Variants in ZNF507 observed in about 807,000 individuals in gnomAD.
The protein encoded by ZNF507 is zinc finger protein 507.
ZNF507 carries 29 observed loss-of-function variants against 80.0 expected under a neutral mutation model. That is an observed-to-expected ratio of 0.36 (90% CI 0.27 to 0.49). The LOEUF (loss-of-function observed/expected upper bound fraction) is 0.49, where lower values mean the gene tolerates loss of function less well. Ranked by LOEUF, ZNF507 falls within the 20% of genes least tolerant of loss-of-function variation. ZNF507 has a pLI of 0.98. For missense variants in ZNF507, 1,081 were observed against 1,152.2 expected (o/e 0.94, Z 0.90); for synonymous variants, 462 against 422.5 (o/e 1.09, Z -1.15).
chr19:32,353,987 G>T lies in ZNF507; in HGVS notation c.1157G>T (p.Ser386Ile), dbSNP rs1288857021. The change falls in exon 3 of 7, where the codon AGC (serine) becomes ATC (isoleucine). Residue 386 changes from serine (S) to isoleucine (I), a missense_variant. Ser to Ile is a moderately radical substitution (Grantham distance 142). Coordinates refer to ENST00000355898, the MANE Select transcript of ZNF507 (RefSeq NM_001136156.2). ...SLLTSAQKII[S>I]SSPNKKGHVN... ...CTTACATCAGCACAGAAAATCATCA[G>T]CAGCAGCCCCAATAAAAAAGGGCAT... 6.2e-7 allele frequency: 1 copy of T among 1,614,148 alleles called. No homozygotes were observed. The highest frequency in any genetic ancestry group is 1.1e-5 in the South Asian group (1 of 91,074).
intron 5 of ZNF507, among the ~76,000 whole-genome samples, chr19:32,379,335 T>A (rs1478245970): frequency 1.3e-5 from 2 of 152,214 alleles, no homozygotes; most frequent in Non-Finnish European, 2.9e-5. Flanking sequence ...TAACCAAGAA[T>A]AAAATGTAGT....
chr19:32,365,702 G>A (rs1967389316), intron 5 of ZNF507, among the ~76,000 whole-genome samples: 1 of 152,150 alleles, frequency 6.6e-6, no homozygotes, highest in African/African-American at 2.4e-5. Context: ...ATTGTCCTAA[G>A]AGTATCAGTT....
chr19:32,375,290 A>C (rs912323166), intron 5 of ZNF507, among the ~76,000 whole-genome samples: 5 of 152,198 alleles, frequency 3.3e-5, no homozygotes, highest in African/African-American at 1.2e-4. Context: ...GACAACCTGC[A>C]GTGCCCCAGA....
rs1967199137 is a variant in ZNF507 at position 32,353,408 on chromosome 19, G to A, written c.578G>A (p.Cys193Tyr). The A allele has an allele frequency of 6.2e-7, 1 of 1,614,192 alleles. No homozygotes were observed. Among genetic ancestry groups the A allele is most frequent in the Non-Finnish European group, 8.5e-7 (1 of 1,180,042 alleles). The change falls in exon 3 of 7, where the codon TGC (cysteine) becomes TAC (tyrosine). Residue 193 changes from cysteine to tyrosine, a missense_variant. Around this residue, in one of 6 missense-constraint regions of ZNF507, gnomAD observed 275 missense variants for 303.9 expected, o/e 0.90. Transcript: ENST00000355898. The part of the protein sequence containing the change: ...NIHTQSKAQQ[C>Y]VSPSSSLCRK... ...CACACCCAATCCAAAGCCCAACAGT[G>A]CGTAAGCCCCTCCAGCTCTTTGTGT...
At chr19:32,371,758 G>C (rs1967476710) in intron 5 of ZNF507, among the ~76,000 whole-genome samples, 1 of 150,672 alleles carries the variant, frequency 6.6e-6, no homozygotes, top group African/African-American at 2.4e-5. Flanking sequence ...TCCTGCCTCA[G>C]CCTCCCAAGT....
chr19:32,373,134 G>A (rs1270415316), intron 5 of ZNF507, among the ~76,000 whole-genome samples: 3 of 152,170 alleles, frequency 2.0e-5, no homozygotes, highest in Admixed American at 2.0e-4. Flanking sequence ...CAAGGCCTCT[G>A]CCCTCATGAC....
chr19:32,361,367 T>C (rs1349760404), intron 5 of ZNF507, among the ~76,000 whole-genome samples: 1 of 152,212 alleles, frequency 6.6e-6, no homozygotes, highest in Non-Finnish European at 1.5e-5. Context: ...TTTAACTCTC[T>C]CCCCAGATTC....
At chr19:32,371,295 A>G (rs1349045008) in intron 5 of ZNF507, among the ~76,000 whole-genome samples, 1 of 151,922 alleles carries the variant, frequency 6.6e-6, no homozygotes, top group East Asian at 1.9e-4. Context: ...ACCAACATGG[A>G]GAAATCCTGT....
In ZNF507 at chr19:32,354,458, T is replaced by C. The variant is rs141618879; in HGVS notation, c.1628T>C (p.Met543Thr). ...VDSTLAAYSK[M>T]MSPLKNSSDG... ...AGTACATTGGCAGCGTACTCAAAAATGATGTCGCCACTTAAAAACTCTTCA... is the reference window on the plus strand; with the variant it reads ...AGTACATTGGCAGCGTACTCAAAAACGATGTCGCCACTTAAAAACTCTTCA... The change falls in exon 3 of 7, where the codon ATG (methionine) becomes ACG (threonine). Residue 543 changes from methionine (M) to threonine (T), a missense_variant. By Grantham distance (81) the Met-to-Thr change is moderately conservative. Transcript: ENST00000355898. 2 of 1,614,014 alleles carry C rather than the reference T, an allele frequency of 1.2e-6. No individual in the cohort carries two copies. The highest frequency in any genetic ancestry group is 3.3e-5 in the Admixed American group (2 of 59,992).
chr19:32,377,683 A>G (rs934255131), intron 5 of ZNF507, among the ~76,000 whole-genome samples: 2 of 152,190 alleles, frequency 1.3e-5, no homozygotes, highest in African/African-American at 4.8e-5. Context: ...GTGGGTGAGA[A>G]TAGACACACC....
At chr19:32,380,536 G>A in intron 5 of ZNF507, 1 of 1,451,326 alleles carries the variant, frequency 6.9e-7, no homozygotes, top group Non-Finnish European at 9.3e-7. Flanking sequence ...GTATTTAATT[G>A]TTTTATTTAC....
At chr19:32,374,826 C>G (rs1254568737) in intron 5 of ZNF507, among the ~76,000 whole-genome samples, 3 of 152,158 alleles carry the variant, frequency 2.0e-5, no homozygotes, top group South Asian at 4.1e-4. Flanking sequence ...CTAGCTGGTA[C>G]CTCCACAACA....
chr19:32,371,891 G>A (rs914463263), intron 5 of ZNF507, among the ~76,000 whole-genome samples: 42 of 151,984 alleles, frequency 2.8e-4, no homozygotes, highest in African/African-American at 8.0e-4. Flanking sequence ...CGCCTGCCTC[G>A]GCCTCACAAA....
At position 32,352,967 on chromosome 19, in the gene ZNF507, A is replaced by G. The variant is rs1047498707; in HGVS notation, c.137A>G (p.His46Arg). 7.4e-6 allele frequency: 12 copies of G among 1,614,068 alleles called. No individual in the cohort carries two copies. Among genetic ancestry groups the G allele is most frequent in the Admixed American group, 5.0e-5 (3 of 59,994 alleles). ...QRKTKPDPLI[H>R]VIQKLSKIVE... ...AAAACTAAACCAGATCCATTAATCC[A>G]TGTTATCCAGAAGTTAAGCAAGATA... is the stretch of plus-strand genomic sequence containing the variant. The change falls in exon 3 of 7, where the codon CAT (histidine) becomes CGT (arginine). Residue 46 changes from histidine to arginine, a missense_variant. His to Arg is a conservative substitution (Grantham distance 29). This residue lies in a region of ZNF507 where 275 missense variants were observed against 303.9 expected (regional missense o/e 0.90). Coordinates refer to ENST00000355898, the MANE Select transcript of ZNF507 (RefSeq NM_001136156.2).
At chr19:32,372,901 C>G (rs1599556481) in intron 5 of ZNF507, among the ~76,000 whole-genome samples, 1 of 152,276 alleles carries the variant, frequency 6.6e-6, no homozygotes, top group East Asian at 1.9e-4. Context: ...CTTCAGGCTG[C>G]TATAACAAAG....
Position 32,385,009 on chromosome 19 carries a change from A to C in ZNF507, c.*1926A>C, listed in dbSNP as rs1967670682. The C allele has an allele frequency of 6.6e-6, 1 of 151,678 alleles. No homozygotes were observed. Among genetic ancestry groups the C allele is most frequent in the Non-Finnish European group, 1.5e-5 (1 of 67,782 alleles). The allele number at this position is 151,678 out of a possible 1,614,324, so 9.4% of individuals were successfully genotyped here. ...CCCATACTGTTGCCACTCATATTGT[A>C]AGTCAGTTTTTTCATTGCTGGTACA... is the stretch of plus-strand genomic sequence containing the variant. On this transcript the variant is annotated 3_prime_UTR_variant, in exon 7 of 7. Coordinates refer to ENST00000355898, the MANE Select transcript of ZNF507 (RefSeq NM_001136156.2).
At chr19:32,356,853 A>G (rs1967259808) in intron 4 of ZNF507, 120 bp downstream of exon 4, 1 of 744,956 alleles carries the variant, frequency 1.3e-6, no homozygotes, top group Non-Finnish European at 2.4e-6. Flanking sequence ...TTTTTGTACC[A>G]TGGATGTGAG....
rs775337814 is a variant in ZNF507, at chr19:32,385,082, A to G, written c.*1999A>G. The G allele has an allele frequency of 6.6e-6, 1 of 152,164 alleles. No individual in the cohort carries two copies. Among genetic ancestry groups the G allele is most frequent in the African/African-American group, 2.4e-5 (1 of 41,434 alleles). The allele number at this position is 152,164 out of a possible 1,614,324, so 9.4% of individuals were successfully genotyped here. ...AAATCTGTTGTTCTGAAAATCAACA[A>G]CCTTAGAAGGATTTTGTCTTAGAAA... is the stretch of plus-strand genomic sequence containing the variant. On this transcript the variant is annotated 3_prime_UTR_variant, in exon 7 of 7. Coordinates refer to ENST00000355898, the MANE Select transcript of ZNF507 (RefSeq NM_001136156.2).
intron 5 of ZNF507, among the ~76,000 whole-genome samples, chr19:32,379,310 G>C (rs1413525087): frequency 6.6e-6 from 1 of 152,164 alleles, no homozygotes; most frequent in African/African-American, 2.4e-5. Flanking sequence ...ATTAAGGTTA[G>C]GGTTTTTTTG....
Sources: allele counts gnomAD v4.1 joint callset (sites outside exome capture counted in the v4.1 genomes callset), GRCh38; gene constraint gnomAD v4.1.1; regional missense constraint gnomAD v4.1.1; transcripts MANE v1.5; gene names NCBI Gene and HGNC (gene_info 2026-07-23, HGNC 2026-07-21).